Variants in BBX observed in about 807,000 individuals in gnomAD.
The protein encoded by BBX is HMG box transcription factor BBX.
In BBX, 30 loss-of-function variants were observed where a neutral mutation model predicts 100.2. The observed-to-expected ratio is 0.30, with a 90% confidence interval of 0.22 to 0.41. The LOEUF is 0.41. BBX is among the 10% of genes least tolerant of loss of function. The pLI is 1.00. For missense variants in BBX, 1,023 were observed against 1,129.8 expected, an observed-to-expected ratio of 0.91 and a Z score of 1.35; for synonymous variants, 376 against 388.1, an observed-to-expected ratio of 0.97 and a Z score of 0.37.
chr3:107,669,168 A>T (rs1215972867), intron 3 of BBX, among the ~76,000 whole-genome samples: 3 of 152,182 alleles, frequency 2.0e-5, no homozygotes, highest in Non-Finnish European at 4.4e-5. Context: ...TGAGTCACAG[A>T]TTTAAAATTA....
At chr3:107,669,497 A>C (rs955789327) in intron 3 of BBX, among the ~76,000 whole-genome samples, 1 of 152,108 alleles carries the variant, frequency 6.6e-6, no homozygotes. Context: ...CGGAATACCA[A>C]ACTAAGGAAT....
intron 2 of BBX, among the ~76,000 whole-genome samples, chr3:107,530,463 A>C (rs2107302338): frequency 6.6e-6 from 1 of 152,362 alleles, no homozygotes; most frequent in Non-Finnish European, 1.5e-5. Flanking sequence ...GGATTTTATG[A>C]AATCTTAAAA....
intron 3 of BBX, among the ~76,000 whole-genome samples, chr3:107,680,460 G>A (rs757718801): frequency 1.3e-5 from 2 of 152,142 alleles, no homozygotes; most frequent in African/African-American, 4.8e-5. Context: ...GTAAAATGAG[G>A]TTGTTGATTG....
chr3:107,560,728 T>C (rs2050428441), intron 2 of BBX, among the ~76,000 whole-genome samples: 1 of 152,212 alleles, frequency 6.6e-6, no homozygotes, highest in Non-Finnish European at 1.5e-5. Context: ...GGATTGTAAG[T>C]AAATTTGTGT....
intron 2 of BBX, among the ~76,000 whole-genome samples, chr3:107,560,313 A>C (rs2050394156): frequency 6.6e-6 from 1 of 150,890 alleles, no homozygotes; most frequent in Non-Finnish European, 1.5e-5. Flanking sequence ...GTTTTTTTCC[A>C]AAAAAAAAGT....
Position 107,686,976 on chromosome 3 carries a change from G to A in BBX, c.-9-23476G>A, listed in dbSNP as rs571378729. On this transcript the variant is annotated intron_variant, in intron 3 of 17. Coordinates refer to ENST00000325805, the MANE Select transcript of BBX (RefSeq NM_001142568.3). The stretch of plus-strand genomic sequence containing the variant: ...AATAAAAAATTTATATTTATTAAGG[G>A]CCTCTATGGCTTTGCTTTGAGGACA... Among the ~76,000 whole-genome samples the A allele has an allele frequency of 2.4e-4, 37 of 152,170 alleles. No individual in the cohort carries two copies. In the South Asian group the frequency reaches 3.1e-3, roughly 13 times the overall value.
chr3:107,558,606 G>T (rs2050252742), intron 2 of BBX, among the ~76,000 whole-genome samples: 1 of 152,180 alleles, frequency 6.6e-6, no homozygotes. Flanking sequence ...GATTCTTTGG[G>T]CAAGTTGGCT....
rs773192279 is a variant in BBX, at chr3:107,801,228, G to A, written c.2685G>A (p.Ala895=). 25 of 1,614,042 alleles carry A rather than the reference G, an allele frequency of 1.5e-5. No homozygotes were observed. Among genetic ancestry groups the A allele is most frequent in the East Asian group, 4.5e-5 (2 of 44,890 alleles). The change falls in exon 17 of 18, where the codon GCG becomes GCA. Residue 895 remains alanine (A), a synonymous_variant. Transcript: ENST00000325805. The part of the protein sequence containing the change: ...SSTPEMPAVS[A]FFSLAALAEV... Reference sequence around the variant, plus strand: ...CTCCAGAAATGCCTGCCGTGTCTGCGTTCTTTAGCCTCGCTGCGCTGGCTG... The same window carrying A: ...CTCCAGAAATGCCTGCCGTGTCTGCATTCTTTAGCCTCGCTGCGCTGGCTG...
At chr3:107,574,436 A>G (rs992384416) in intron 2 of BBX, among the ~76,000 whole-genome samples, 7 of 152,326 alleles carry the variant, frequency 4.6e-5, no homozygotes, top group African/African-American at 9.6e-5. Flanking sequence ...GGAAATATAT[A>G]TCTTAGATAA....
At chr3:107,762,796 G>A (rs956402556) in intron 10 of BBX, among the ~76,000 whole-genome samples, 1 of 152,062 alleles carries the variant, frequency 6.6e-6, no homozygotes, top group Non-Finnish European at 1.5e-5. Flanking sequence ...AAATTATATG[G>A]TGCATTTTGG....
At chr3:107,705,457 T>G in intron 3 of BBX, among the ~76,000 whole-genome samples, 1 of 152,182 alleles carries the variant, frequency 6.6e-6, no homozygotes, top group African/African-American at 2.4e-5. Flanking sequence ...GAGAGGATCT[T>G]ATTCACAAAA....
At chr3:107,687,362 G>A (rs1021826456) in intron 3 of BBX, among the ~76,000 whole-genome samples, 1 of 151,134 alleles carries the variant, frequency 6.6e-6, no homozygotes, top group African/African-American at 2.4e-5. Flanking sequence ...GAGTATAAAG[G>A]CTCTGTGAAG....
intron 2 of BBX, among the ~76,000 whole-genome samples, chr3:107,529,488 A>G (rs1234873306): frequency 6.6e-6 from 1 of 152,222 alleles, no homozygotes. Context: ...GGCAGTCCTC[A>G]GTACACTGAG....
chr3:107,526,333 A>G lies in BBX; in HGVS notation c.-149A>G, dbSNP rs2047776601. ...TTTATTTGATACTTTATAGGTCACT[A>G]TCATATGACAAAGGCTTTGCCGCAG... On this transcript the variant is annotated 5_prime_UTR_variant, in exon 2 of 18. Transcript: ENST00000325805. 3 of 398,654 alleles carry G rather than the reference A, an allele frequency of 7.5e-6. No individual in the cohort carries two copies. The highest frequency in any genetic ancestry group is 4.4e-6 in the Non-Finnish European group (1 of 226,080). 24.7% of individuals were successfully genotyped at this position (398,654 alleles called of 1,614,324 possible).
chr3:107,713,767 C>A (rs2031472466), intron 4 of BBX, among the ~76,000 whole-genome samples: 1 of 151,950 alleles, frequency 6.6e-6, no homozygotes, highest in South Asian at 2.1e-4. Flanking sequence ...TGGCACAGAT[C>A]ATCTTCTTCA....
intron 2 of BBX, among the ~76,000 whole-genome samples, chr3:107,644,924 A>G (rs548550064): frequency 6.6e-5 from 10 of 152,300 alleles, no homozygotes; most frequent in Non-Finnish European, 1.3e-4. Flanking sequence ...CTTCCATATC[A>G]TAGTGGCTTA....
intron 5 of BBX, among the ~76,000 whole-genome samples, chr3:107,721,709 T>C (rs1490525154): frequency 6.6e-6 from 1 of 152,048 alleles, no homozygotes; most frequent in South Asian, 2.1e-4. Context: ...TTTATAAACA[T>C]TTAAATGTTT....
Position 107,809,187 on chromosome 3 carries a change from G to A in BBX, c.*3730G>A, listed in dbSNP as rs1376047150. On this transcript the variant is annotated 3_prime_UTR_variant, in exon 18 of 18. Transcript: ENST00000325805. Reference sequence around the variant, plus strand: ...ACAGAACAGGAGTAAGCTGAAAACTGAATGCCATGTTTTGTTTATAAGGTG... The same window carrying A: ...ACAGAACAGGAGTAAGCTGAAAACTAAATGCCATGTTTTGTTTATAAGGTG... 6.6e-6 allele frequency: 1 copy of A among 152,192 alleles called. No individual in the cohort carries two copies. The highest frequency in any genetic ancestry group is 1.5e-5 in the Non-Finnish European group (1 of 68,032). 9.4% of individuals were successfully genotyped at this position (152,192 alleles called of 1,614,324 possible). A position where few individuals can be genotyped will look rare whatever the true frequency, so the allele number is the denominator to read the frequency against.
chr3:107,752,990 A>G (rs1048836660), intron 9 of BBX, among the ~76,000 whole-genome samples: 1 of 152,254 alleles, frequency 6.6e-6, no homozygotes, highest in Non-Finnish European at 1.5e-5. Context: ...TATATCAGCT[A>G]TGCTTGAAAT....
Sources: allele counts gnomAD v4.1 joint callset (sites outside exome capture counted in the v4.1 genomes callset), GRCh38; gene constraint gnomAD v4.1.1; transcripts MANE v1.5; gene names NCBI Gene and HGNC (gene_info 2026-07-23, HGNC 2026-07-21).